MIPOL1: variants seen among roughly 807,000 people sequenced by gnomAD.
The protein encoded by MIPOL1 is mirror-image polydactyly 1.
In MIPOL1, 57 loss-of-function variants were observed where a neutral mutation model predicts 60.9. The observed-to-expected ratio is 0.94, with a 90% CI of 0.76 to 1.17. The LOEUF (loss-of-function observed/expected upper bound fraction) is 1.17. Ranked by LOEUF, MIPOL1 falls within the 50% of genes most tolerant of loss-of-function variation. MIPOL1 has a pLI of 0.00. For synonymous variants in MIPOL1, 179 were observed against 168.8 expected (o/e 1.06, Z -0.47); for missense variants, 551 against 511.6 (o/e 1.08, Z -0.74).
intron 1 of MIPOL1, among the ~76,000 whole-genome samples, chr14:37,200,235 G>T (rs1294902431): frequency 2.0e-5 from 3 of 152,188 alleles, no homozygotes; most frequent in Non-Finnish European, 2.9e-5. Context: ...TGTACAGGCT[G>T]TACAGTCTCT....
rs564253060 is a variant in MIPOL1, at chr14:37,454,251, T to C, written c.1031+31302T>C. ...CTCCAGATTCCTTACTCCAACTGGA[T>C]TACAGGCCTCAGGGTGCTCCCTGAG... On this transcript the variant is annotated intron_variant, in intron 11 of 12. Coordinates refer to ENST00000684589, the MANE Select transcript of MIPOL1 (RefSeq NM_001388067.1). 7.6e-4 allele frequency among the ~76,000 whole-genome samples: 116 copies of C among 152,244 alleles called. 1 individual carries two copies. The highest frequency in any genetic ancestry group is 2.8e-3 in the African/African-American group (116 of 41,568).
chr14:37,373,602 G>A (rs1469355146), intron 10 of MIPOL1, among the ~76,000 whole-genome samples: 1 of 151,610 alleles, frequency 6.6e-6, no homozygotes, highest in Non-Finnish European at 1.5e-5. Context: ...TGTTCTCACT[G>A]TTCAACTCCC....
At chr14:37,435,855 G>T (rs1389331406) in intron 11 of MIPOL1, among the ~76,000 whole-genome samples, 1 of 152,108 alleles carries the variant, frequency 6.6e-6, no homozygotes, top group African/African-American at 2.4e-5. Context: ...ATGGTAACCT[G>T]CACAAATTAA....
intron 10 of MIPOL1, among the ~76,000 whole-genome samples, chr14:37,416,987 G>C (rs1410287520): frequency 6.6e-6 from 1 of 152,122 alleles, no homozygotes; most frequent in Non-Finnish European, 1.5e-5. Flanking sequence ...ACGTTTTACA[G>C]ATTTTAACTT....
In MIPOL1 at chr14:37,422,054, C is replaced by T. The variant is rs561358545; in HGVS notation, c.937-801C>T. Among the ~76,000 whole-genome samples the T allele has an allele frequency of 4.6e-5, 7 of 152,010 alleles. No individual in the cohort carries two copies. The East Asian group carries it at 1.4e-3, about 29-fold the overall frequency. ...TAACTTTGAATAAACAATACTAAAA[C>T]CTGACTTACCAGTGCCAGATTTTCA... On this transcript the variant is annotated intron_variant, in intron 10 of 12. Transcript: ENST00000684589.
At chr14:37,307,126 T>C (rs2086849775) in intron 7 of MIPOL1, among the ~76,000 whole-genome samples, 2 of 151,986 alleles carry the variant, frequency 1.3e-5, no homozygotes, top group South Asian at 2.1e-4. Flanking sequence ...TATCTTTGGC[T>C]AGTATCCTAT....
intron 11 of MIPOL1, among the ~76,000 whole-genome samples, chr14:37,483,253 T>C (rs756513096): frequency 6.6e-6 from 1 of 150,826 alleles, no homozygotes; most frequent in South Asian, 2.1e-4. Context: ...GCTGGGATTA[T>C]GGGCTTATGC....
intron 6 of MIPOL1, chr14:37,276,692 A>G (rs2083686957): frequency 2.0e-5 from 3 of 151,262 alleles, no homozygotes; most frequent in Admixed American, 1.3e-4. Context: ...CTGTGTATAT[A>G]ATGGGCATCA....
chr14:37,517,774 T>C (rs576540279), intron 12 of MIPOL1, among the ~76,000 whole-genome samples: 5 of 152,146 alleles, frequency 3.3e-5, no homozygotes, highest in Non-Finnish European at 7.4e-5. Flanking sequence ...CAAGTGCTTC[T>C]CATATACTGC....
At chr14:37,281,110 CT>C (rs1266744765) in intron 6 of MIPOL1, among the ~76,000 whole-genome samples, 1 of 152,086 alleles carries the variant, frequency 6.6e-6, no homozygotes, top group Admixed American at 6.6e-5. Flanking sequence ...AACTTTCCCC[CT>C]GTGTTATCTT....
chr14:37,339,624 T>C (rs184995193), intron 9 of MIPOL1, among the ~76,000 whole-genome samples: 2 of 152,286 alleles, frequency 1.3e-5, no homozygotes, highest in Admixed American at 1.3e-4. Flanking sequence ...CTATTTAGCA[T>C]GAAAATGGAA....
intron 11 of MIPOL1, among the ~76,000 whole-genome samples, chr14:37,484,822 A>G (rs1390039346): frequency 6.6e-6 from 1 of 151,130 alleles, no homozygotes; most frequent in Non-Finnish European, 1.5e-5. Flanking sequence ...TTGTATTTTC[A>G]CTTCTAAAAT....
At chr14:37,431,261 C>A (rs546049485) in intron 11 of MIPOL1, among the ~76,000 whole-genome samples, 1 of 152,262 alleles carries the variant, frequency 6.6e-6, no homozygotes, top group East Asian at 1.9e-4. Flanking sequence ...CATAGGTAAT[C>A]TTTGATTCAT....
intron 12 of MIPOL1, among the ~76,000 whole-genome samples, chr14:37,532,018 T>C (rs780331158): frequency 6.6e-5 from 10 of 152,180 alleles, no homozygotes; most frequent in Non-Finnish European, 1.5e-4. Context: ...GGTGACTATG[T>C]ATTACTTACG....
At chr14:37,395,908 G>A (rs1350237209) in intron 10 of MIPOL1, among the ~76,000 whole-genome samples, 1 of 152,072 alleles carries the variant, frequency 6.6e-6, no homozygotes, top group Non-Finnish European at 1.5e-5. Flanking sequence ...GTCCTTATGT[G>A]TTAGATGAGT....
chr14:37,280,524 A>G (rs535831408), intron 6 of MIPOL1, among the ~76,000 whole-genome samples: 8 of 152,330 alleles, frequency 5.3e-5, no homozygotes, highest in African/African-American at 1.9e-4. Context: ...AACGGGTGAG[A>G]TGATAGCTCA....
At chr14:37,415,389 G>A (rs1023447687) in intron 10 of MIPOL1, among the ~76,000 whole-genome samples, 2 of 151,990 alleles carry the variant, frequency 1.3e-5, no homozygotes, top group African/African-American at 2.4e-5. Context: ...TTGGGAGGCC[G>A]AGGCAGGCGG....
At chr14:37,316,762 A>C (rs2087952099) in intron 9 of MIPOL1, among the ~76,000 whole-genome samples, 1 of 152,088 alleles carries the variant, frequency 6.6e-6, no homozygotes, top group Non-Finnish European at 1.5e-5. Flanking sequence ...GGATGACCTG[A>C]ATTCCGGAGT....
chr14:37,515,549 T>C (rs1165143097), intron 12 of MIPOL1, among the ~76,000 whole-genome samples: 2 of 152,224 alleles, frequency 1.3e-5, no homozygotes, highest in Non-Finnish European at 2.9e-5. Flanking sequence ...AAGCATATGT[T>C]ATATCTCTTT....
Sources: gnomAD v4.1 joint callset for allele counts (sites outside exome capture counted in the v4.1 genomes callset) on GRCh38, gnomAD v4.1.1 for gene constraint, MANE v1.5 for transcripts, NCBI Gene and HGNC (gene_info 2026-07-23, HGNC 2026-07-21) for gene names.